The following FAT3 variants were observed in gnomAD, a reference collection of about 807,000 sequenced individuals.
FAT3 encodes the protein protocadherin Fat 3.
Under a neutral mutation model 310.2 loss-of-function variants are expected in FAT3, and 95 were observed. The ratio of observed to expected loss-of-function variants is 0.31; its 90% CI spans 0.26 to 0.36. The LOEUF (loss-of-function observed/expected upper bound fraction) is 0.36, where lower values mean the gene tolerates loss of function less well. Ranked by LOEUF, FAT3 falls within the 10% of genes least tolerant of loss-of-function variation. The pLI is 1.00. For missense variants in FAT3, 5,408 were observed against 5,715.6 expected, an observed-to-expected ratio of 0.95 and a Z score of 1.74; for synonymous variants, 2,314 against 2,192.9, an observed-to-expected ratio of 1.06 and a Z score of -1.54.
intron 1 of FAT3, among the ~76,000 whole-genome samples, chr11:92,246,494 T>G (rs150721053): frequency 6.6e-6 from 1 of 152,122 alleles, no homozygotes; most frequent in African/African-American, 2.4e-5. Context: ...TACCTTGGAC[T>G]GGAAAAGGGG....
intron 3 of FAT3, among the ~76,000 whole-genome samples, chr11:92,696,095 T>C (rs1253293019): frequency 6.8e-6 from 1 of 147,270 alleles, no homozygotes; most frequent in East Asian, 1.9e-4. Context: ...AATCATAAGC[T>C]CATTTTTTAC....
In FAT3 at chr11:92,779,734, T is replaced by C. The variant is rs369234700; in HGVS notation, c.4335+5554T>C. On this transcript the variant is annotated intron_variant, in intron 7 of 27. Coordinates refer to ENST00000525166, the MANE Select transcript of FAT3 (RefSeq NM_001367949.2). ...TGGGACTTCGCAGATGTGATTAGGG[T>C]ATAAATCTTAAGACACAGAGAGGAT... Among the ~76,000 whole-genome samples the C allele has an allele frequency of 2.0e-5, 3 of 152,028 alleles. No individual in the cohort carries two copies. In the East Asian group the frequency reaches 5.8e-4, roughly 29 times the overall value.
intron 7 of FAT3, among the ~76,000 whole-genome samples, chr11:92,784,144 A>T (rs537425391): frequency 1.3e-5 from 2 of 152,332 alleles, no homozygotes; most frequent in South Asian, 4.1e-4. Flanking sequence ...GACTTTAGGC[A>T]TATCTTTTAA....
At chr11:92,286,806 G>A (rs972489216) in intron 1 of FAT3, among the ~76,000 whole-genome samples, 3 of 152,136 alleles carry the variant, frequency 2.0e-5, no homozygotes, top group African/African-American at 7.2e-5. Context: ...GACTGCATTA[G>A]GTGTGTAGCC....
intron 1 of FAT3, among the ~76,000 whole-genome samples, chr11:92,315,387 A>G (rs1008101782): frequency 6.6e-6 from 1 of 150,598 alleles, no homozygotes; most frequent in African/African-American, 2.4e-5. Context: ...ACATTCCACT[A>G]TAAGGTCACA....
At chr11:92,618,680 T>C (rs1299091387) in intron 3 of FAT3, among the ~76,000 whole-genome samples, 1 of 152,222 alleles carries the variant, frequency 6.6e-6, no homozygotes, top group Non-Finnish European at 1.5e-5. Flanking sequence ...ACATTTATTT[T>C]TTATACTTTG....
Position 92,801,079 on chromosome 11 carries a change from A to C in FAT3, c.8066A>C (p.His2689Pro), listed in dbSNP as rs1947333075. Residue 2689 changes from histidine to proline, a missense_variant, in exon 10 of 28, where the codon CAC (histidine) becomes CCC (proline). Transcript: ENST00000525166. ...GTAGATGGGGGCATCCCAGTAAAGCACTCCCTCATTCCTGTCTATATCCAC... is the reference window on the plus strand; with the variant it reads ...GTAGATGGGGGCATCCCAGTAAAGCCCTCCCTCATTCCTGTCTATATCCAC... ...KAVDGGIPVKHSLIPVYIHVL... is the reference protein window; with the variant it reads ...KAVDGGIPVKPSLIPVYIHVL... The C allele has an allele frequency of 6.2e-7, 1 of 1,613,700 alleles. No homozygotes were observed. Among genetic ancestry groups the C allele is most frequent in the Non-Finnish European group, 8.5e-7 (1 of 1,179,826 alleles).
chr11:92,462,095 G>A (rs1424759168), intron 2 of FAT3, among the ~76,000 whole-genome samples: 4 of 152,152 alleles, frequency 2.6e-5, no homozygotes, highest in African/African-American at 9.7e-5. Context: ...TCTCCTTAAA[G>A]AAAATACTGC....
At chr11:92,679,781 G>C (rs982004253) in intron 3 of FAT3, among the ~76,000 whole-genome samples, 1 of 140,646 alleles carries the variant, frequency 7.1e-6, no homozygotes, top group East Asian at 2.2e-4. Flanking sequence ...GGCGGAGTTT[G>C]CAGTGAGCCG....
At chr11:92,781,595 A>C (rs1946754978) in intron 7 of FAT3, among the ~76,000 whole-genome samples, 1 of 152,164 alleles carries the variant, frequency 6.6e-6, no homozygotes. Context: ...TCATTATTGA[A>C]ATCATCTGGT....
chr11:92,752,008 G>A (rs1301846211), intron 4 of FAT3, among the ~76,000 whole-genome samples: 1 of 152,032 alleles, frequency 6.6e-6, no homozygotes, highest in Admixed American at 6.5e-5. Context: ...CAAAGCAGGC[G>A]TGCAATAAGT....
intron 2 of FAT3, among the ~76,000 whole-genome samples, chr11:92,382,499 A>C (rs1307258580): frequency 1.3e-5 from 2 of 152,178 alleles, no homozygotes; most frequent in Admixed American, 1.3e-4. Context: ...ACGGGAGATC[A>C]TTATGAGATC....
At chr11:92,247,725 GTTTTT>G (rs139681837) in intron 1 of FAT3, among the ~76,000 whole-genome samples, 1 of 141,692 alleles carries the variant, frequency 7.1e-6, no homozygotes, top group Admixed American at 7.1e-5. Context: ...AGGTTCACCT[GTTTTT>G]TTTTTTTTTT....
chr11:92,629,238 A>G (rs1415911286), intron 3 of FAT3, among the ~76,000 whole-genome samples: 4 of 152,176 alleles, frequency 2.6e-5, no homozygotes, highest in Non-Finnish European at 5.9e-5. Context: ...TAGCAGTGGG[A>G]AAATTCAGTT....
chr11:92,649,099 A>G (rs949374053), intron 3 of FAT3, among the ~76,000 whole-genome samples: 1 of 152,186 alleles, frequency 6.6e-6, no homozygotes, highest in Non-Finnish European at 1.5e-5. Flanking sequence ...GTGTGTGGAA[A>G]AGTGTCGGGG....
At chr11:92,783,748 G>A (rs1016484587) in intron 7 of FAT3, among the ~76,000 whole-genome samples, 1 of 152,132 alleles carries the variant, frequency 6.6e-6, no homozygotes, top group African/African-American at 2.4e-5. Flanking sequence ...TTGTGCCACT[G>A]CGCTCCAGCC....
intron 3 of FAT3, among the ~76,000 whole-genome samples, chr11:92,546,990 C>T (rs148235189): frequency 3.3e-5 from 5 of 152,268 alleles, no homozygotes; most frequent in African/African-American, 9.6e-5. Flanking sequence ...TTAGGTGAGA[C>T]GATTCACATA....
intron 2 of FAT3, among the ~76,000 whole-genome samples, chr11:92,401,144 C>T (rs1376325999): frequency 6.6e-6 from 1 of 152,138 alleles, no homozygotes; most frequent in African/African-American, 2.4e-5. Context: ...CCACCAGATG[C>T]CATAAGCTGG....
At chr11:92,827,540 T>C (rs1434364101) in intron 13 of FAT3, among the ~76,000 whole-genome samples, 1 of 152,200 alleles carries the variant, frequency 6.6e-6, no homozygotes. Flanking sequence ...TAAAGTCCCC[T>C]GTCTTCCAGT....
Sources: allele counts gnomAD v4.1 joint callset (sites outside exome capture counted in the v4.1 genomes callset), GRCh38; gene constraint gnomAD v4.1.1; transcripts MANE v1.5; gene names NCBI Gene and HGNC (gene_info 2026-07-23, HGNC 2026-07-21).